The following ZNF292 variants were observed in gnomAD, a reference collection of about 807,000 sequenced individuals.
The protein encoded by ZNF292 is 16 zinc-finger domain protein.
In ZNF292, 26 loss-of-function variants were observed where a neutral mutation model predicts 217.9. The ratio of observed to expected loss-of-function variants is 0.12; its 90% CI spans 0.09 to 0.17. The LOEUF (loss-of-function observed/expected upper bound fraction) is 0.17, where lower values mean the gene tolerates loss of function less well. Ranked by LOEUF, ZNF292 falls within the 10% of genes least tolerant of loss-of-function variation. The pLI, the probability that ZNF292 is intolerant of heterozygous loss-of-function variation, is 1.00. For missense variants in ZNF292, 2,904 were observed against 3,175.2 expected (o/e 0.91, Z 2.05); for synonymous variants, 1,257 against 1,124.1 (o/e 1.12, Z -2.37).
At chr6:87,156,593 T>C (rs1373054165) in intron 1 of ZNF292, among the ~76,000 whole-genome samples, 3 of 152,228 alleles carry the variant, frequency 2.0e-5, no homozygotes, top group Non-Finnish European at 4.4e-5. Context: ...CCCTCACCCC[T>C]GTTTCTTGGA....
chr6:87,189,580 G>T (rs1771769540), intron 1 of ZNF292, among the ~76,000 whole-genome samples: 1 of 151,562 alleles, frequency 6.6e-6, no homozygotes. Flanking sequence ...AATGTATTAT[G>T]TAGAATATAT....
chr6:87,256,181 C>T lies in ZNF292; in HGVS notation c.2552C>T (p.Ser851Phe), dbSNP rs756555025. The change falls in exon 8 of 8, where the codon TCC (serine) becomes TTC (phenylalanine). Residue 851 changes from serine (S) to phenylalanine (F), a missense_variant. Ser to Phe is a radical substitution (Grantham distance 155). This residue lies in a region of ZNF292 where 687 missense variants were observed against 623.0 expected (regional missense o/e 1.10). Transcript: ENST00000369577. ...PEAQLNSSGD[S>F]IQPSEVNQNT... ...GCCCAACTTAATTCATCTGGAGATT[C>T]CATTCAGCCTTCTGAAGTGAATCAG... The T allele has an allele frequency of 6.2e-7, 1 of 1,613,794 alleles. No homozygotes were observed. The highest frequency in any genetic ancestry group is 1.7e-5 in the Admixed American group (1 of 59,960).
At chr6:87,209,926 G>C (rs1772411649) in intron 1 of ZNF292, among the ~76,000 whole-genome samples, 1 of 152,140 alleles carries the variant, frequency 6.6e-6, no homozygotes, top group Non-Finnish European at 1.5e-5. Context: ...GAGAACCCTA[G>C]ATGTAAATTG....
chr6:87,166,239 C>T (rs1770909549), intron 1 of ZNF292, among the ~76,000 whole-genome samples: 1 of 152,158 alleles, frequency 6.6e-6, no homozygotes, highest in South Asian at 2.1e-4. Flanking sequence ...TTCCTGCTCC[C>T]TTTAAATTTA....
chr6:87,221,131 G>GTAGGT (rs1483713197), intron 4 of ZNF292, among the ~76,000 whole-genome samples: 1 of 152,080 alleles, frequency 6.6e-6, no homozygotes, highest in Non-Finnish European at 1.5e-5. Context: ...CTAAAGCCCA[G>GTAGGT]CTCAACTGAG....
rs68087857 is a variant in ZNF292 at position 87,204,554 on chromosome 6, A to ATTTTTTTTTTTTT, written c.169-11335_169-11323dup. Among the ~76,000 whole-genome samples, 21 of 63,640 alleles carry ATTTTTTTTTTTTT rather than the reference A, an allele frequency of 3.3e-4. 5 individuals are homozygous for ATTTTTTTTTTTTT. The highest frequency in any genetic ancestry group is 7.0e-4 in the African/African-American group (10 of 14,378). The allele number at this position is 63,640 out of a possible 152,430, so 41.8% of individuals were successfully genotyped here. On this transcript the variant is annotated intron_variant, in intron 1 of 7. Transcript: ENST00000369577. ...TAGGATTTGGTTGGTAACATTTAGG[A>ATTTTTTTTTTTTT]TTTTTTTTTTTTTTTTTTTTTTTTT...
At chr6:87,240,722 A>C (rs1385501071) in intron 5 of ZNF292, among the ~76,000 whole-genome samples, 1 of 152,234 alleles carries the variant, frequency 6.6e-6, no homozygotes, top group Non-Finnish European at 1.5e-5. Flanking sequence ...GCCCAGCCTA[A>C]GAGTGGCTTA....
chr6:87,251,764 A>G (rs1562177200), intron 7 of ZNF292, among the ~76,000 whole-genome samples: 1 of 152,244 alleles, frequency 6.6e-6, no homozygotes, highest in Non-Finnish European at 1.5e-5. Context: ...AAGTACACAC[A>G]TGAAAGGTCA....
At position 87,260,992 on chromosome 6, in the gene ZNF292, G is replaced by T. The variant is rs1467132597; in HGVS notation, c.7363G>T (p.Val2455Leu). The T allele has an allele frequency of 3.7e-6, 6 of 1,606,460 alleles. No homozygotes were observed. In the East Asian group the frequency reaches 1.1e-4, roughly 30 times the overall value. Residue 2455 changes from valine (V) to leucine (L), a missense_variant, in exon 8 of 8, where the codon GTA (valine) becomes TTA (leucine). Physicochemically the swap from Val to Leu is conservative, Grantham distance 32. Around this residue, in one of 15 missense-constraint regions of ZNF292, gnomAD observed 380 missense variants for 355.3 expected, o/e 1.07. Coordinates refer to ENST00000369577, the MANE Select transcript of ZNF292 (RefSeq NM_015021.3). ...KNDVKDSDTC[V>L]SESNDNSRTT... ...TGATGTGAAAGATTCTGACACGTGT[G>T]TATCAGAGAGCAATGATAATTCAAG...
chr6:87,155,888 G>T lies in ZNF292; in HGVS notation c.168+129G>T, dbSNP rs777253233. 18 of 1,195,506 alleles carry T rather than the reference G, an allele frequency of 1.5e-5. No homozygotes were observed. The South Asian group carries it at 2.6e-4, about 17-fold the overall frequency. The allele number at this position is 1,195,506 out of a possible 1,614,324, so 74.1% of individuals were successfully genotyped here. A position where few individuals can be genotyped will look rare whatever the true frequency, so the allele number is the denominator to read the frequency against. On this transcript the variant is annotated intron_variant, in intron 1 of 7. Transcript: ENST00000369577. ...TCGGCGCCTCCGCCTGGGTGGGAGC[G>T]GGAGTAGAAGGAAGGCGCCTTTGTG...
At chr6:87,196,928 A>G (rs752631002) in intron 1 of ZNF292, among the ~76,000 whole-genome samples, 11 of 152,242 alleles carry the variant, frequency 7.2e-5, no homozygotes, top group African/African-American at 2.2e-4. Flanking sequence ...CAATAGATCC[A>G]GAAAATTATT....
At chr6:87,159,559 A>G (rs1030990546) in intron 1 of ZNF292, among the ~76,000 whole-genome samples, 32 of 147,600 alleles carry the variant, frequency 2.2e-4, no homozygotes, top group South Asian at 4.2e-4. Flanking sequence ...CTGGTGTGCA[A>G]TGGCGCAATC....
rs1236538973 is a variant in ZNF292, at chr6:87,170,793, GT to G, written c.168+15040del. Among the ~76,000 whole-genome samples the G allele has an allele frequency of 2.6e-5, 4 of 152,120 alleles. No homozygotes were observed. In the East Asian group the frequency reaches 7.7e-4, roughly 29 times the overall value. On this transcript the variant is annotated intron_variant, in intron 1 of 7. Transcript: ENST00000369577. The stretch of plus-strand genomic sequence containing the variant: ...AAATCTTGGGATTCTAAGGATGTTG[GT>G]TTTTTCACATATTGTTTATTGTGAC...
chr6:87,184,274 A>G (rs1429849139), intron 1 of ZNF292, among the ~76,000 whole-genome samples: 1 of 152,172 alleles, frequency 6.6e-6, no homozygotes, highest in Non-Finnish European at 1.5e-5. Context: ...TTTTGCCTGC[A>G]TTTTCACTTC....
In ZNF292 at chr6:87,233,351, C is replaced by T; in HGVS notation, c.565C>T (p.Pro189Ser). 6.2e-7 allele frequency: 1 copy of T among 1,610,694 alleles called. No homozygotes were observed. The highest frequency in any genetic ancestry group is 8.5e-7 in the Non-Finnish European group (1 of 1,178,620). ...GAATGAATTTTTAGCTTTTGAGGGTCCCATCTTGTTGGATATGAGAATTAA... is the reference window on the plus strand; with the variant it reads ...GAATGAATTTTTAGCTTTTGAGGGTTCCATCTTGTTGGATATGAGAATTAA... ...KVNEFLAFEGPILLDMRIKHL... is the reference protein window; with the variant it reads ...KVNEFLAFEGSILLDMRIKHL... Residue 189 changes from proline (P) to serine (S), a missense_variant, in exon 5 of 8, where the codon CCC (proline) becomes TCC (serine). Physicochemically the swap from Pro to Ser is moderately conservative, Grantham distance 74. This residue lies in a region of ZNF292 where 313 missense variants were observed against 451.0 expected (regional missense o/e 0.69). Coordinates refer to ENST00000369577, the MANE Select transcript of ZNF292 (RefSeq NM_015021.3).
At chr6:87,182,041 T>G (rs1304951479) in intron 1 of ZNF292, among the ~76,000 whole-genome samples, 1 of 152,152 alleles carries the variant, frequency 6.6e-6, no homozygotes, top group Non-Finnish European at 1.5e-5. Flanking sequence ...ATATTATCCT[T>G]GTGCTTGAAA....
Position 87,261,047 on chromosome 6 carries a change from T to C in ZNF292, c.7418T>C (p.Val2473Ala). 6.2e-7 allele frequency: 1 copy of C among 1,603,296 alleles called. No individual in the cohort carries two copies. The highest frequency in any genetic ancestry group is 8.5e-7 in the Non-Finnish European group (1 of 1,174,564). Residue 2473 changes from valine (V) to alanine (A), a missense_variant, in exon 8 of 8, where the codon GTT (valine) becomes GCT (alanine). Physicochemically the swap from Val to Ala is moderately conservative, Grantham distance 64. Around this residue, in one of 15 missense-constraint regions of ZNF292, gnomAD observed 380 missense variants for 355.3 expected, o/e 1.07. Transcript: ENST00000369577. ...RTTATVSQKE[V>A]EKNEKDEMDE... ...ACAGCTACAGTTTCACAAAAGGAAGTTGAAAAAAATGAAAAAGATGAAATG... is the reference window on the plus strand; with the variant it reads ...ACAGCTACAGTTTCACAAAAGGAAGCTGAAAAAAATGAAAAAGATGAAATG...
chr6:87,239,134 C>T (rs1354172628), intron 5 of ZNF292, among the ~76,000 whole-genome samples: 6 of 152,296 alleles, frequency 3.9e-5, no homozygotes, highest in African/African-American at 1.4e-4. Flanking sequence ...CCACATTTCC[C>T]CCTTTTCTAT....
chr6:87,155,612 G>A lies in ZNF292; in HGVS notation c.21G>A (p.Glu7=). The part of the protein sequence containing the change: MADEEA[E]QERLSCGEGG... ...TGAAGATGGCGGACGAAGAGGCCGA[G>A]CAGGAGAGGTTGAGTTGCGGCGAAG... Residue 7 remains glutamate (E), a synonymous_variant, in exon 1 of 8, where the codon GAG becomes GAA. Transcript: ENST00000369577. 6.3e-7 allele frequency: 1 copy of A among 1,582,386 alleles called. No individual in the cohort carries two copies.
Sources: allele counts gnomAD v4.1 joint callset (sites outside exome capture counted in the v4.1 genomes callset), GRCh38; gene constraint gnomAD v4.1.1; regional missense constraint gnomAD v4.1.1; transcripts MANE v1.5; gene names NCBI Gene and HGNC (gene_info 2026-07-23, HGNC 2026-07-21).